Variants in PTPRD observed in about 807,000 individuals in gnomAD.
The protein encoded by PTPRD is protein tyrosine phosphatase receptor type D.
In PTPRD, 34 loss-of-function variants were observed where a neutral mutation model predicts 214.5. The ratio of observed to expected loss-of-function variants is 0.16; its 90% confidence interval spans 0.12 to 0.21. The LOEUF is 0.21. PTPRD is among the 10% of genes least tolerant of loss of function. The pLI is 1.00. For synonymous variants in PTPRD, 1,128 were observed against 845.7 expected, an observed-to-expected ratio of 1.33 and a Z score of -5.79; for missense variants, 2,545 against 2,398.7, an observed-to-expected ratio of 1.06 and a Z score of -1.27.
At chr9:8,701,665 G>T (rs773982308) in intron 12 of PTPRD, 1 of 152,054 alleles carries the variant, frequency 6.6e-6, no homozygotes, top group African/African-American at 2.4e-5. Flanking sequence ...ATTTCCCAAA[G>T]ATTTTGTGCC....
chr9:10,535,600 C>T (rs112310191), intron 2 of PTPRD, among the ~76,000 whole-genome samples: 1 of 151,996 alleles, frequency 6.6e-6, no homozygotes, highest in Middle Eastern at 3.4e-3. Context: ...TTTTTATAGC[C>T]TTTTTTAAAA....
chr9:10,552,098 G>T (rs936581647), intron 2 of PTPRD, among the ~76,000 whole-genome samples: 14 of 152,062 alleles, frequency 9.2e-5, no homozygotes, highest in Non-Finnish European at 1.8e-4. Flanking sequence ...ATGAATGATT[G>T]TCTCTTTTTA....
chr9:9,876,481 C>T (rs1317762166), intron 5 of PTPRD, among the ~76,000 whole-genome samples: 1 of 151,834 alleles, frequency 6.6e-6, no homozygotes, highest in South Asian at 2.1e-4. Flanking sequence ...AATTATATCA[C>T]CTCGAAAAAA....
chr9:8,967,985 T>G (rs1437320338), intron 11 of PTPRD, among the ~76,000 whole-genome samples: 1 of 152,050 alleles, frequency 6.6e-6, no homozygotes, highest in Non-Finnish European at 1.5e-5. Context: ...TTCCTACCTA[T>G]GAGTGAGAAC....
intron 3 of PTPRD, among the ~76,000 whole-genome samples, chr9:10,158,657 TG>T (rs2099108699): frequency 6.6e-6 from 1 of 152,148 alleles, no homozygotes; most frequent in Non-Finnish European, 1.5e-5. Flanking sequence ...TCTGAGCATA[TG>T]GTAAAAGAAC....
At chr9:10,552,978 T>A (rs1373655261) in intron 2 of PTPRD, among the ~76,000 whole-genome samples, 1 of 152,170 alleles carries the variant, frequency 6.6e-6, no homozygotes, top group Non-Finnish European at 1.5e-5. Context: ...TGATGACTAT[T>A]TGTCCTAGGG....
At chr9:9,721,122 C>A (rs980768307) in intron 7 of PTPRD, among the ~76,000 whole-genome samples, 2 of 151,820 alleles carry the variant, frequency 1.3e-5, no homozygotes, top group Admixed American at 1.3e-4. Context: ...TGCATATGTA[C>A]CCCTGAAACT....
intron 39 of PTPRD, among the ~76,000 whole-genome samples, chr9:8,353,437 AAT>A (rs2076053152): frequency 6.6e-6 from 1 of 152,048 alleles, no homozygotes; most frequent in African/African-American, 2.4e-5. Context: ...TGAATGAATG[AAT>A]GAATGAATGA....
intron 30 of PTPRD, among the ~76,000 whole-genome samples, chr9:8,479,869 G>T (rs991905651): frequency 5.3e-5 from 8 of 151,844 alleles, no homozygotes; most frequent in Non-Finnish European, 8.8e-5. Context: ...TCATTTCCCT[G>T]TTCCTTCATT....
At chr9:8,927,343 G>T (rs1218290768) in intron 11 of PTPRD, among the ~76,000 whole-genome samples, 1 of 151,984 alleles carries the variant, frequency 6.6e-6, no homozygotes, top group Non-Finnish European at 1.5e-5. Context: ...ATCTACATTA[G>T]GTATTTCTCC....
At chr9:8,507,543 A>G in intron 21 of PTPRD, 109 bp from the exon 22 acceptor site, 1 of 1,336,192 alleles carries the variant, frequency 7.5e-7, no homozygotes, top group Non-Finnish European at 1.0e-6. Context: ...CACATGTACC[A>G]GCTTAGTGGA....
intron 11 of PTPRD, among the ~76,000 whole-genome samples, chr9:8,952,522 A>C (rs1317070175): frequency 6.6e-6 from 1 of 151,906 alleles, no homozygotes; most frequent in Non-Finnish European, 1.5e-5. Flanking sequence ...ACATTATCCC[A>C]AATTAAGGAG....
rs189701562 is a variant in PTPRD, at chr9:9,480,734, G to C, written c.-236-83252C>G. Among the ~76,000 whole-genome samples, 17 of 151,974 alleles carry C rather than the reference G, an allele frequency of 1.1e-4. No homozygotes were observed. In the East Asian group the frequency reaches 3.1e-3, roughly 28 times the overall value. ...GCCACAGAAAATTTCCTTTTATTTA[G>C]GATGCAATAGTCTTGATAAAAATAC... On this transcript the variant is annotated intron_variant, in intron 8 of 45. Coordinates refer to ENST00000381196, the MANE Select transcript of PTPRD (RefSeq NM_002839.4).
intron 11 of PTPRD, among the ~76,000 whole-genome samples, chr9:8,830,879 T>C (rs2097274813): frequency 6.6e-6 from 1 of 152,166 alleles, no homozygotes; most frequent in African/African-American, 2.4e-5. Context: ...ACAATTCTCT[T>C]CAATTGATTA....
At chr9:9,738,632 G>C (rs1185726244) in intron 6 of PTPRD, among the ~76,000 whole-genome samples, 4 of 151,712 alleles carry the variant, frequency 2.6e-5, no homozygotes, top group East Asian at 1.9e-4. Context: ...AGTAGAGATG[G>C]GGTTTCACCA....
chr9:8,720,582 A>G (rs10815926), intron 12 of PTPRD, among the ~76,000 whole-genome samples: 72,116 of 152,068 alleles, frequency 0.47, 17,604 homozygotes, highest in Non-Finnish European at 0.53. Context: ...CTGACAATTT[A>G]TAATCAAATT....
At chr9:8,927,674 G>C (rs566146418) in intron 11 of PTPRD, among the ~76,000 whole-genome samples, 1 of 152,162 alleles carries the variant, frequency 6.6e-6, no homozygotes, top group African/African-American at 2.4e-5. Flanking sequence ...ACATATGTGT[G>C]CATGTGTCTT....
At chr9:8,513,099 G>C (rs1231316700) in intron 21 of PTPRD, among the ~76,000 whole-genome samples, 1 of 151,910 alleles carries the variant, frequency 6.6e-6, no homozygotes, top group Admixed American at 6.6e-5. Flanking sequence ...TAAACTAGTT[G>C]CAAGTGACTT....
rs566009236 is a variant in PTPRD at position 9,992,502 on chromosome 9, T to TATGTTTA, written c.-472+41209_-472+41215dup. ...GCTGCTATAAAGACACATGCACATG[T>TATGTTTA]ATGTTTATAGCAGCACTATTCACAA... On this transcript the variant is annotated intron_variant, in intron 4 of 45. Coordinates refer to ENST00000381196, the MANE Select transcript of PTPRD (RefSeq NM_002839.4). Among the ~76,000 whole-genome samples the TATGTTTA allele has an allele frequency of 4.4e-3, 670 of 152,268 alleles. 4 individuals carry two copies. The highest frequency in any genetic ancestry group is 0.035 in the East Asian group (182 of 5,180).
Sources: allele counts gnomAD v4.1 joint callset (sites outside exome capture counted in the v4.1 genomes callset), GRCh38; gene constraint gnomAD v4.1.1; transcripts MANE v1.5; gene names NCBI Gene and HGNC (gene_info 2026-07-23, HGNC 2026-07-21).